KCND2: variants seen among roughly 807,000 people sequenced by gnomAD.
KCND2 encodes A-type voltage-gated potassium channel KCND2.
In KCND2, 16 loss-of-function variants were observed where a neutral mutation model predicts 54.4. That is an observed-to-expected ratio of 0.29 (90% CI 0.20 to 0.45). The LOEUF is 0.45. Among genes scored for constraint, KCND2 ranks in the 20% least tolerant of loss-of-function variants. The pLI is 1.00. For missense variants in KCND2, 486 were observed against 824.2 expected, an observed-to-expected ratio of 0.59 and a Z score of 5.02; for synonymous variants, 317 against 310.7, an observed-to-expected ratio of 1.02 and a Z score of -0.21.
At chr7:120,380,043 T>G (rs1164458937) in intron 1 of KCND2, among the ~76,000 whole-genome samples, 2 of 152,048 alleles carry the variant, frequency 1.3e-5, no homozygotes, top group African/African-American at 4.8e-5. Flanking sequence ...ATCAAATAAA[T>G]TGCAATCAAT....
At chr7:120,518,194 G>A (rs73437844) in intron 1 of KCND2, among the ~76,000 whole-genome samples, 4,061 of 152,166 alleles carry the variant, frequency 0.027, 160 homozygotes, top group African/African-American at 0.091. Flanking sequence ...CTTATGATCA[G>A]AATGTATTAT....
intron 1 of KCND2, among the ~76,000 whole-genome samples, chr7:120,445,024 C>G (rs1340946163): frequency 4.6e-5 from 7 of 152,094 alleles, no homozygotes; most frequent in Non-Finnish European, 8.8e-5. Context: ...GGCTGAAAGA[C>G]TAGAGCATTG....
At chr7:120,730,888 A>G (rs1792797956) in intron 1 of KCND2, among the ~76,000 whole-genome samples, 1 of 152,230 alleles carries the variant, frequency 6.6e-6, no homozygotes, top group African/African-American at 2.4e-5. Flanking sequence ...CTCTCAAGAT[A>G]CAATATAACC....
chr7:120,455,595 A>T (rs560337892), intron 1 of KCND2, among the ~76,000 whole-genome samples: 5 of 152,336 alleles, frequency 3.3e-5, no homozygotes, highest in African/African-American at 1.2e-4. Flanking sequence ...ATTCTCATCA[A>T]TGGTATACTG....
At chr7:120,545,422 G>C in intron 1 of KCND2, among the ~76,000 whole-genome samples, 1 of 151,690 alleles carries the variant, frequency 6.6e-6, no homozygotes, top group East Asian at 1.9e-4. Context: ...ACAAAATGAG[G>C]ATTAAATATC....
chr7:120,316,320 C>T (rs1799811315), intron 1 of KCND2, among the ~76,000 whole-genome samples: 1 of 152,184 alleles, frequency 6.6e-6, no homozygotes, highest in Admixed American at 6.5e-5. Flanking sequence ...ATTTAGCTAG[C>T]TATGTGATGC....
intron 1 of KCND2, among the ~76,000 whole-genome samples, chr7:120,647,343 C>G (rs531267760): frequency 2.6e-5 from 4 of 152,310 alleles, no homozygotes; most frequent in African/African-American, 9.6e-5. Context: ...AAGGATGGAA[C>G]TTTCAAACAC....
chr7:120,603,436 G>A (rs1037813903), intron 1 of KCND2, among the ~76,000 whole-genome samples: 4 of 152,172 alleles, frequency 2.6e-5, no homozygotes, highest in African/African-American at 9.7e-5. Flanking sequence ...GATTTTCTGA[G>A]CAGTAAACAG....
chr7:120,550,929 G>A (rs1792098224), intron 1 of KCND2, among the ~76,000 whole-genome samples: 1 of 152,192 alleles, frequency 6.6e-6, no homozygotes, highest in South Asian at 2.1e-4. Flanking sequence ...AGGATCAGCA[G>A]TGGACATTCT....
chr7:120,582,166 G>A (rs557625171), intron 1 of KCND2, among the ~76,000 whole-genome samples: 3 of 152,178 alleles, frequency 2.0e-5, no homozygotes, highest in Non-Finnish European at 4.4e-5. Flanking sequence ...ACCTTGGCCT[G>A]TGGTCACTCT....
chr7:120,286,039 A>T (rs78707529), intron 1 of KCND2, among the ~76,000 whole-genome samples: 4,275 of 151,798 alleles, frequency 0.028, 96 homozygotes, highest in Non-Finnish European at 0.047. Context: ...TAAAGGGAGG[A>T]TTTTTTTTCA....
intron 1 of KCND2, among the ~76,000 whole-genome samples, chr7:120,315,994 T>A (rs1799806775): frequency 6.6e-6 from 1 of 152,052 alleles, no homozygotes; most frequent in South Asian, 2.1e-4. Context: ...AGAAGGAAAG[T>A]ATACAAAAAC....
At chr7:120,295,543 T>A (rs1169936857) in intron 1 of KCND2, among the ~76,000 whole-genome samples, 2 of 151,898 alleles carry the variant, frequency 1.3e-5, no homozygotes, top group East Asian at 1.9e-4. Flanking sequence ...AATGGTAGAT[T>A]CTGAATGAAG....
chr7:120,558,008 C>A (rs1465359529), intron 1 of KCND2, among the ~76,000 whole-genome samples: 5 of 152,028 alleles, frequency 3.3e-5, no homozygotes, highest in African/African-American at 9.7e-5. Flanking sequence ...TGCAACCTGG[C>A]AGAGAAAATT....
intron 1 of KCND2, among the ~76,000 whole-genome samples, chr7:120,380,010 CTGT>C (rs1800891317): frequency 6.6e-6 from 1 of 151,998 alleles, no homozygotes; most frequent in Admixed American, 6.6e-5. Context: ...CTATCCTGAC[CTGT>C]ACATATTTTC....
intron 1 of KCND2, among the ~76,000 whole-genome samples, chr7:120,397,232 A>G (rs1458710937): frequency 2.0e-5 from 3 of 152,086 alleles, no homozygotes; most frequent in African/African-American, 7.2e-5. Flanking sequence ...TCTTCCATTA[A>G]ACTCATTCAT....
At chr7:120,434,348 A>G (rs1477678797) in intron 1 of KCND2, among the ~76,000 whole-genome samples, 1 of 152,190 alleles carries the variant, frequency 6.6e-6, no homozygotes, top group African/African-American at 2.4e-5. Flanking sequence ...TAAAATTATC[A>G]AAAGGATAAA....
chr7:120,473,486 A>C (rs185857406), intron 1 of KCND2, among the ~76,000 whole-genome samples: 1 of 152,130 alleles, frequency 6.6e-6, no homozygotes, highest in Non-Finnish European at 1.5e-5. Flanking sequence ...CTCAAATGTC[A>C]TCTTCTCAAA....
At chr7:120,404,391 T>C (rs149249650) in intron 1 of KCND2, among the ~76,000 whole-genome samples, 2 of 152,352 alleles carry the variant, frequency 1.3e-5, no homozygotes, top group African/African-American at 4.8e-5. Context: ...TCTCTACATT[T>C]GTGACATCTC....
Sources: gnomAD v4.1 joint callset for allele counts (sites outside exome capture counted in the v4.1 genomes callset) on GRCh38, gnomAD v4.1.1 for gene constraint, MANE v1.5 for transcripts, NCBI Gene and HGNC (gene_info 2026-07-23, HGNC 2026-07-21) for gene names.